Variants in ZBTB10 observed in about 807,000 individuals in gnomAD.
The protein encoded by ZBTB10 is zinc finger and BTB domain-containing protein 10.
ZBTB10 carries 32 observed loss-of-function variants against 76.4 expected under a neutral mutation model. The observed-to-expected ratio is 0.42, with a 90% CI of 0.32 to 0.56. The LOEUF (loss-of-function observed/expected upper bound fraction) is 0.56. Among genes scored for constraint, ZBTB10 ranks in the 20% least tolerant of loss-of-function variants. The pLI, the probability that ZBTB10 is intolerant of heterozygous loss-of-function variation, is 0.14. For missense variants in ZBTB10, 1,057 were observed against 1,098.5 expected, an observed-to-expected ratio of 0.96 and a Z score of 0.53; for synonymous variants, 523 against 432.9, an observed-to-expected ratio of 1.21 and a Z score of -2.58.
chr8:80,497,301 CATT>C (rs1201740425), intron 1 of ZBTB10, among the ~76,000 whole-genome samples: 1 of 151,944 alleles, frequency 6.6e-6, no homozygotes, highest in Admixed American at 6.6e-5. Flanking sequence ...AAATAAGTCT[CATT>C]ATTACCTTAT....
At position 80,487,188 on chromosome 8, in the gene ZBTB10, A is replaced by AGGC. The variant is rs756056859; in HGVS notation, c.390_392dup (p.Gly132dup). On this transcript the variant is annotated inframe_insertion, in exon 1 of 6. Transcript: ENST00000455036. ...GGAACCGTCGGACTCTGGCCTTCCG[A>AGGC]GGCGGCGGCGGCGGGGGTCTCGGCA... 3.4e-5 allele frequency: 52 copies of AGGC among 1,523,594 alleles called. No individual in the cohort carries two copies. Among genetic ancestry groups the AGGC allele is most frequent in the African/African-American group, 5.7e-5 (4 of 70,308 alleles). 94.4% of individuals were successfully genotyped at this position (1,523,594 alleles called of 1,614,324 possible).
At chr8:80,505,279 A>C (rs1444231735) in intron 2 of ZBTB10, among the ~76,000 whole-genome samples, 3 of 152,214 alleles carry the variant, frequency 2.0e-5, no homozygotes, top group East Asian at 1.9e-4. Flanking sequence ...ACTTCCTGGT[A>C]CTGACTTCTG....
rs1055292519 is a variant in ZBTB10 at position 80,525,015 on chromosome 8, T to C, written c.*5487T>C. 1 of 152,074 alleles carries C rather than the reference T, an allele frequency of 6.6e-6. No homozygotes were observed. Among genetic ancestry groups the C allele is most frequent in the Non-Finnish European group, 1.5e-5 (1 of 67,970 alleles). The allele number at this position is 152,074 out of a possible 1,614,324, so 9.4% of individuals were successfully genotyped here. A position where few individuals can be genotyped will look rare whatever the true frequency, so the allele number is the denominator to read the frequency against. ...CAACAAACACTAAAATGATAAAATT[T>C]GGTATGTATAAGTACTGGACGAAGG... is the stretch of plus-strand genomic sequence containing the variant. On this transcript the variant is annotated 3_prime_UTR_variant, in exon 6 of 6. Transcript: ENST00000455036.
At position 80,500,388 on chromosome 8, in the gene ZBTB10, T is replaced by C. The variant is rs755737866; in HGVS notation, c.1861+6T>C. 1 of 1,537,370 alleles carries C rather than the reference T, an allele frequency of 6.5e-7. No individual in the cohort carries two copies. Among genetic ancestry groups the C allele is most frequent in the South Asian group, 1.3e-5 (1 of 78,114 alleles). On this transcript the variant is annotated splice_donor_region_variant and intron_variant, in intron 2 of 5. Coordinates refer to ENST00000455036, the MANE Select transcript of ZBTB10 (RefSeq NM_001105539.3). ...ACTCATCAAGGAAGAACCAGGTAAA[T>C]ATTATCTATACAAGGATACTTCCTT...
chr8:80,518,303 C>G (rs1816380588), intron 3 of ZBTB10, 100 bp from the exon 4 acceptor site: 6 of 1,130,800 alleles, frequency 5.3e-6, no homozygotes, highest in Admixed American at 3.2e-5. Context: ...GAAATTCTAT[C>G]ATAATGCCTG....
chr8:80,503,350 G>A (rs1184535296), intron 2 of ZBTB10, among the ~76,000 whole-genome samples: 2 of 152,062 alleles, frequency 1.3e-5, no homozygotes, highest in Non-Finnish European at 2.9e-5. Context: ...GATGGTCTTA[G>A]CCTCAGCTTG....
At chr8:80,513,619 T>C (rs532954759) in intron 2 of ZBTB10, among the ~76,000 whole-genome samples, 10 of 152,296 alleles carry the variant, frequency 6.6e-5, no homozygotes, top group Admixed American at 2.6e-4. Flanking sequence ...ACATCTACGA[T>C]ATAGGTGGAT....
intron 1 of ZBTB10, among the ~76,000 whole-genome samples, chr8:80,497,286 AG>A (rs1815807945): frequency 6.6e-6 from 1 of 152,104 alleles, no homozygotes; most frequent in African/African-American, 2.4e-5. Flanking sequence ...ACAAGAGCTT[AG>A]GTTAAATAAG....
Position 80,486,839 on chromosome 8 carries a change from C to G in ZBTB10, c.29C>G (p.Thr10Arg). 6.6e-7 allele frequency: 1 copy of G among 1,503,868 alleles called. No individual in the cohort carries two copies. The highest frequency in any genetic ancestry group is 8.9e-7 in the Non-Finnish European group (1 of 1,128,644). The allele number at this position is 1,503,868 out of a possible 1,614,324, so 93.2% of individuals were successfully genotyped here. ...TCGTTCAGTGAAATGAACCGCAGGA[C>G]GCTGGCGTTCCGAGGAGGCGGGTTG... MSFSEMNRR[T>R]LAFRGGGLVT... is the part of the protein sequence containing the mutation. The change falls in exon 1 of 6, where the codon ACG (threonine) becomes AGG (arginine). Residue 10 changes from threonine (T) to arginine (R), a missense_variant. Around this residue, in one of 5 missense-constraint regions of ZBTB10, gnomAD observed 556 missense variants for 451.7 expected, o/e 1.23. Transcript: ENST00000455036.
chr8:80,512,693 C>CA (rs1242768124), intron 2 of ZBTB10, among the ~76,000 whole-genome samples: 2 of 152,146 alleles, frequency 1.3e-5, no homozygotes, highest in African/African-American at 2.4e-5. Flanking sequence ...GCCTGGGTGA[C>CA]AGAGGGAGAC....
At chr8:80,516,819 G>A (rs944526880) in intron 3 of ZBTB10, among the ~76,000 whole-genome samples, 1 of 152,214 alleles carries the variant, frequency 6.6e-6, no homozygotes. Flanking sequence ...AAGAGGGACA[G>A]CATGTCTGAG....
In ZBTB10 at chr8:80,487,455, G is replaced by T; in HGVS notation, c.645G>T (p.Gly215=). 6.5e-7 allele frequency: 1 copy of T among 1,547,232 alleles called. No individual in the cohort carries two copies. The highest frequency in any genetic ancestry group is 8.7e-7 in the Non-Finnish European group (1 of 1,143,566). The change falls in exon 1 of 6, where the codon GGG becomes GGT. Residue 215 remains glycine (G), a synonymous_variant. Transcript: ENST00000455036. ...GCAGGCGGTCGGGCGGCGATGGCGG[G>T]GACGAAGTGGAGGGCAGCGGTGTGG... ...SSSRRSGGDG[G]DEVEGSGVGA... is the part of the protein sequence containing the mutation.
chr8:80,500,312 A>G lies in ZBTB10; in HGVS notation c.1791A>G (p.Glu597=), dbSNP rs549153928. 28 of 1,583,978 alleles carry G rather than the reference A, an allele frequency of 1.8e-5. No homozygotes were observed. The South Asian group carries it at 3.1e-4, about 18-fold the overall frequency. The change falls in exon 2 of 6, where the codon GAA becomes GAG. Residue 597 remains glutamate, a synonymous_variant. Transcript: ENST00000455036. ...CACCTAATAATGAAACGAATTTAGA[A>G]GATTGCTCAGTAATGCAGCCACCTG... The part of the protein sequence containing the change: ...NIPPNNETNL[E]DCSVMQPPVA...
rs776017087 is a variant in ZBTB10 at position 80,487,503 on chromosome 8, C to G, written c.693C>G (p.Val231=). 2 of 1,557,324 alleles carry G rather than the reference C, an allele frequency of 1.3e-6. No homozygotes were observed. The highest frequency in any genetic ancestry group is 2.7e-5 in the African/African-American group (2 of 73,338). ...SGVGAGEGET[V]QHFPLARPKS... is the part of the protein sequence containing the mutation. ...TGGGAGCTGGCGAAGGAGAGACTGTCCAGCACTTCCCGCTCGCGCGGCCCA... is the reference window on the plus strand; with the variant it reads ...TGGGAGCTGGCGAAGGAGAGACTGTGCAGCACTTCCCGCTCGCGCGGCCCA... Residue 231 remains valine (V), a synonymous_variant, in exon 1 of 6, where the codon GTC becomes GTG. Coordinates refer to ENST00000455036, the MANE Select transcript of ZBTB10 (RefSeq NM_001105539.3).
At position 80,520,947 on chromosome 8, in the gene ZBTB10, G is replaced by A. The variant is rs2131523035; in HGVS notation, c.*1419G>A. 6.6e-6 allele frequency: 1 copy of A among 151,872 alleles called. No homozygotes were observed. The highest frequency in any genetic ancestry group is 2.1e-4 in the South Asian group (1 of 4,816). 9.4% of individuals were successfully genotyped at this position (151,872 alleles called of 1,614,324 possible). A position where few individuals can be genotyped will look rare whatever the true frequency, so the allele number is the denominator to read the frequency against. ...ATATTGTATATTATATAAGATTGAG[G>A]GATGTCATATTTTCAGCTTTCTTTT... On this transcript the variant is annotated 3_prime_UTR_variant, in exon 6 of 6. Transcript: ENST00000455036.
At chr8:80,497,968 G>A (rs2131487182) in intron 1 of ZBTB10, among the ~76,000 whole-genome samples, 1 of 152,118 alleles carries the variant, frequency 6.6e-6, no homozygotes, top group South Asian at 2.1e-4. Context: ...GCCATGTCCT[G>A]GAATATTATT....
At chr8:80,493,732 A>T (rs1815709732) in intron 1 of ZBTB10, among the ~76,000 whole-genome samples, 1 of 151,992 alleles carries the variant, frequency 6.6e-6, no homozygotes, top group Non-Finnish European at 1.5e-5. Flanking sequence ...CGGGAGGCTG[A>T]GGCAGGAGAA....
Position 80,500,069 on chromosome 8 carries a change from T to G in ZBTB10, c.1548T>G (p.Ile516Met), listed in dbSNP as rs1815882585. The change falls in exon 2 of 6, where the codon ATT becomes ATG. Residue 516 changes from isoleucine to methionine, a missense_variant. Ile to Met is a conservative substitution (Grantham distance 10, BLOSUM62 1). This residue lies in a region of ZBTB10 where 306 missense variants were observed against 297.5 expected (regional missense o/e 1.03). Transcript: ENST00000455036. ...NLTNLASNVKIENDGCNVDEG... is the reference protein window; with the variant it reads ...NLTNLASNVKMENDGCNVDEG... ...CCAATTTGGCAAGTAATGTAAAGAT[T>G]GAAAATGATGGTTGTAATGTCGACG... The G allele has an allele frequency of 6.2e-7, 1 of 1,613,842 alleles. No individual in the cohort carries two copies. The highest frequency in any genetic ancestry group is 1.7e-5 in the Admixed American group (1 of 59,994).
chr8:80,488,252 GA>G (rs1815533804), intron 1 of ZBTB10, among the ~76,000 whole-genome samples: 1 of 152,126 alleles, frequency 6.6e-6, no homozygotes, highest in Non-Finnish European at 1.5e-5. Flanking sequence ...CCCCTTTCAG[GA>G]AAACGTCCAG....
Sources: allele counts gnomAD v4.1 joint callset (sites outside exome capture counted in the v4.1 genomes callset), GRCh38; gene constraint gnomAD v4.1.1; regional missense constraint gnomAD v4.1.1; transcripts MANE v1.5; gene names NCBI Gene and HGNC (gene_info 2026-07-23, HGNC 2026-07-21).